Variants in RALGAPA2 observed in about 807,000 individuals in gnomAD.
RALGAPA2 encodes ral GTPase-activating protein subunit alpha-2.
A neutral mutation model predicts 230.4 loss-of-function variants in RALGAPA2; 139 were observed. The ratio of observed to expected loss-of-function variants is 0.60; its 90% CI spans 0.53 to 0.69. The LOEUF (loss-of-function observed/expected upper bound fraction) is 0.69. Among genes scored for constraint, RALGAPA2 ranks in the 30% least tolerant of loss-of-function variants. The pLI, the probability that RALGAPA2 is intolerant of heterozygous loss-of-function variation, is 0.00. For missense variants in RALGAPA2, 2,163 were observed against 2,276.0 expected (o/e 0.95, Z 1.01); for synonymous variants, 847 against 837.8 (o/e 1.01, Z -0.19).
intron 38 of RALGAPA2, among the ~76,000 whole-genome samples, chr20:20,411,478 T>C (rs1023129570): frequency 6.6e-6 from 1 of 152,186 alleles, no homozygotes; most frequent in Non-Finnish European, 1.5e-5. Context: ...CTAAACGGGT[T>C]CCACACCAGG....
chr20:20,411,967 G>A (rs1375066843), intron 38 of RALGAPA2, 60 bp downstream of exon 38: 2 of 1,597,790 alleles, frequency 1.3e-6, no homozygotes, highest in African/African-American at 1.3e-5. Flanking sequence ...AAAAACAGGT[G>A]TACATCTGCT....
At chr20:20,669,520 G>A (rs1017742017) in intron 3 of RALGAPA2, among the ~76,000 whole-genome samples, 1 of 152,082 alleles carries the variant, frequency 6.6e-6, no homozygotes, top group South Asian at 2.1e-4. Flanking sequence ...ATCATCCAGG[G>A]GCCAGGTGCT....
In RALGAPA2 at chr20:20,505,347, T is replaced by C. The variant is rs1483593777; in HGVS notation, c.5052+64A>G. On this transcript the variant is annotated intron_variant, in intron 34 of 39. Transcript: ENST00000202677. Reference sequence around the variant, plus strand: ...AGCACATGTAAAAACTTACACAATGTCTAGTTTGGACACATCTTTAAACAG... The same window carrying C: ...AGCACATGTAAAAACTTACACAATGCCTAGTTTGGACACATCTTTAAACAG... The C allele has an allele frequency of 3.5e-6, 5 of 1,410,252 alleles. No individual in the cohort carries two copies. The Middle Eastern group carries it at 5.5e-4, about 155-fold the overall frequency. The allele number at this position is 1,410,252 out of a possible 1,614,324, so 87.4% of individuals were successfully genotyped here.
intron 18 of RALGAPA2, among the ~76,000 whole-genome samples, chr20:20,589,031 C>T (rs991670779): frequency 1.6e-4 from 24 of 152,274 alleles, no homozygotes; most frequent in African/African-American, 5.1e-4. Flanking sequence ...GTGCCATACA[C>T]AGACCAGGTG....
chr20:20,613,328 T>C (rs2066031002), intron 13 of RALGAPA2, among the ~76,000 whole-genome samples: 1 of 152,204 alleles, frequency 6.6e-6, no homozygotes, highest in South Asian at 2.1e-4. Context: ...CCTGCATTCT[T>C]CATTATTTTC....
rs184024080 is a variant in RALGAPA2 at position 20,574,630 on chromosome 20, T to G, written c.2708-1562A>C. On this transcript the variant is annotated intron_variant, in intron 20 of 39. Coordinates refer to ENST00000202677, the MANE Select transcript of RALGAPA2 (RefSeq NM_020343.4). ...GAATGATGTATTATAACAAAAAAAT[T>G]TATTTCATAGTATGTATGTAATAAT... is the stretch of plus-strand genomic sequence containing the variant. Among the ~76,000 whole-genome samples the G allele has an allele frequency of 2.1e-3, 318 of 152,270 alleles. 4 individuals are homozygous for G. Among genetic ancestry groups the G allele is most frequent in the Non-Finnish European group, 3.2e-3 (215 of 68,024 alleles).
Position 20,603,800 on chromosome 20 carries a change from T to C in RALGAPA2, c.2038+1375A>G, listed in dbSNP as rs1027256961. Among the ~76,000 whole-genome samples, 4 of 152,360 alleles carry C rather than the reference T, an allele frequency of 2.6e-5. No homozygotes were observed. In the South Asian group the frequency reaches 8.3e-4, roughly 32 times the overall value. On this transcript the variant is annotated intron_variant, in intron 15 of 39. Transcript: ENST00000202677. ...AATCAAGATAAATAAGTGGTTGTTA[T>C]TTTAAGCCATAAGTTTTGGGGTGAT...
intron 36 of RALGAPA2, among the ~76,000 whole-genome samples, chr20:20,494,453 TAC>T (rs1317829786): frequency 3.3e-5 from 5 of 152,246 alleles, no homozygotes; most frequent in African/African-American, 1.2e-4. Flanking sequence ...ATGGCTAAAA[TAC>T]CACTAAAGGT....
chr20:20,560,831 G>A (rs1302375386), intron 23 of RALGAPA2, among the ~76,000 whole-genome samples: 1 of 152,188 alleles, frequency 6.6e-6, no homozygotes, highest in Non-Finnish European at 1.5e-5. Flanking sequence ...AATGAGAAAA[G>A]ATGGTCTTAC....
chr20:20,637,633 T>C (rs1334130718), intron 7 of RALGAPA2, 132 bp from the exon 8 acceptor site: 1 of 807,070 alleles, frequency 1.2e-6, no homozygotes, highest in Non-Finnish European at 1.9e-6. Context: ...TTGACAATCA[T>C]GTAATGAAAT....
intron 29 of RALGAPA2, 52 bp from the exon 30 acceptor site, chr20:20,524,595 T>C: frequency 6.2e-7 from 1 of 1,602,032 alleles, no homozygotes; most frequent in Non-Finnish European, 8.5e-7. Context: ...TAAACCTCAC[T>C]ACATGTAATA....
intron 3 of RALGAPA2, 79 bp downstream of exon 3, chr20:20,676,157 C>A: frequency 9.7e-7 from 1 of 1,026,518 alleles, no homozygotes; most frequent in Non-Finnish European, 1.4e-6. Flanking sequence ...TTTTATTTGT[C>A]TTCAAATAAA....
intron 39 of RALGAPA2, among the ~76,000 whole-genome samples, chr20:20,395,066 A>G (rs2059683454): frequency 6.6e-6 from 1 of 152,172 alleles, no homozygotes; most frequent in Admixed American, 6.5e-5. Context: ...GTTCCTGCAG[A>G]TGGACAGAGG....
rs928491893 is a variant in RALGAPA2 at position 20,398,128 on chromosome 20, G to A, written c.5618-1394C>T. ...GAGGGCAAACATAGAGCATATCTGCGTGGGTCTTCCTTGAGTTGAGGAAGT... is the reference window on the plus strand; with the variant it reads ...GAGGGCAAACATAGAGCATATCTGCATGGGTCTTCCTTGAGTTGAGGAAGT... On this transcript the variant is annotated intron_variant, in intron 38 of 39. Coordinates refer to ENST00000202677, the MANE Select transcript of RALGAPA2 (RefSeq NM_020343.4). The surrounding 1 kb of genome is among the most constrained non-coding windows in gnomAD (Gnocchi z 4.5). Among the ~76,000 whole-genome samples, 6 of 152,160 alleles carry A rather than the reference G, an allele frequency of 3.9e-5. No homozygotes were observed. The highest frequency in any genetic ancestry group is 1.2e-4 in the African/African-American group (5 of 41,434).
intron 16 of RALGAPA2, among the ~76,000 whole-genome samples, chr20:20,596,702 C>T (rs1289905363): frequency 1.3e-5 from 2 of 152,232 alleles, no homozygotes; most frequent in African/African-American, 4.8e-5. Flanking sequence ...CTTTGTGCTA[C>T]AAAACCAAGA....
chr20:20,692,111 CA>C (rs1456419958), intron 1 of RALGAPA2, among the ~76,000 whole-genome samples: 1 of 152,136 alleles, frequency 6.6e-6, no homozygotes, highest in African/African-American at 2.4e-5. Context: ...GTATAGCCTG[CA>C]AAACCATGAG....
rs149697553 is a variant in RALGAPA2, at chr20:20,537,819, T to A, written c.3286-1035A>T. On this transcript the variant is annotated intron_variant, in intron 24 of 39. Transcript: ENST00000202677. ...GTTCTCACTCTGTGCTAGGCACTCT[T>A]CTAAGTGCTGTACAAGCATTTCTTC... is the stretch of plus-strand genomic sequence containing the variant. Among the ~76,000 whole-genome samples, 8 of 152,282 alleles carry A rather than the reference T, an allele frequency of 5.3e-5. No individual in the cohort carries two copies. The East Asian group carries it at 1.5e-3, about 29-fold the overall frequency.
chr20:20,452,314 C>T (rs1252802331), intron 37 of RALGAPA2, among the ~76,000 whole-genome samples: 1 of 152,150 alleles, frequency 6.6e-6, no homozygotes, highest in Non-Finnish European at 1.5e-5. Flanking sequence ...GACGTTTTAG[C>T]TGGAGGGGTT....
intron 36 of RALGAPA2, among the ~76,000 whole-genome samples, chr20:20,488,285 T>C (rs908192782): frequency 3.9e-5 from 6 of 152,194 alleles, no homozygotes; most frequent in African/African-American, 1.4e-4. Context: ...GTTTTTACTG[T>C]GAGAACCTGG....
Sources: allele counts gnomAD v4.1 joint callset (sites outside exome capture counted in the v4.1 genomes callset), GRCh38; gene constraint gnomAD v4.1.1; non-coding constraint Gnocchi (gnomAD v3.1); transcripts MANE v1.5; gene names NCBI Gene and HGNC (gene_info 2026-07-23, HGNC 2026-07-21).